The following NEK10 variants were observed in gnomAD, a reference collection of about 807,000 sequenced individuals.
NEK10 encodes serine/threonine-protein kinase Nek10.
NEK10 carries 122 observed loss-of-function variants against 159.8 expected under a neutral mutation model. That is an observed-to-expected ratio of 0.76 (90% CI 0.66 to 0.89). NEK10 has a LOEUF of 0.89. Among genes scored for constraint, NEK10 ranks in the 40% least tolerant of loss-of-function variants. NEK10 has a pLI of 0.00. For synonymous variants in NEK10, 466 were observed against 457.1 expected (o/e 1.02, Z -0.25); for missense variants, 1,342 against 1,323.1 (o/e 1.01, Z -0.22).
At chr3:27,241,185 G>T (rs1954523070) in intron 23 of NEK10, among the ~76,000 whole-genome samples, 1 of 152,152 alleles carries the variant, frequency 6.6e-6, no homozygotes. Context: ...AATTTGTTCA[G>T]AGAGCATGGG....
In NEK10 at chr3:27,304,875, G is replaced by A. The variant is rs1162978610; in HGVS notation, c.900C>T (p.Leu300=). The change falls in exon 12 of 36, where the codon CTC becomes CTT. Residue 300 remains leucine, a synonymous_variant. Transcript: ENST00000691995. ...YEGIPVLLSL[L]HSDHLKLLWS... is the part of the protein sequence containing the mutation. ...AGAGGAGCTTCAAGTGGTCAGAGTG[G>A]AGCAGACTGAGGAGGACCGGTATCC... The A allele has an allele frequency of 1.9e-6, 3 of 1,613,366 alleles. No individual in the cohort carries two copies. The highest frequency in any genetic ancestry group is 3.3e-5 in the Admixed American group (2 of 60,008).
chr3:27,179,707 T>C (rs905312104), intron 26 of NEK10, among the ~76,000 whole-genome samples: 6 of 152,276 alleles, frequency 3.9e-5, no homozygotes, highest in African/African-American at 1.2e-4. Flanking sequence ...AACATGCCAA[T>C]AGAACTAAAT....
At chr3:27,322,661 C>G (rs2045731733) in intron 5 of NEK10, among the ~76,000 whole-genome samples, 5 of 152,194 alleles carry the variant, frequency 3.3e-5, no homozygotes, top group African/African-American at 4.8e-5. Context: ...CATAACCACA[C>G]TTACTTATTA....
intron 5 of NEK10, among the ~76,000 whole-genome samples, chr3:27,325,743 A>G (rs1196228871): frequency 6.6e-6 from 1 of 152,088 alleles, no homozygotes; most frequent in Non-Finnish European, 1.5e-5. Flanking sequence ...TATACTCCTG[A>G]GTGCTCATTA....
At chr3:27,142,226 A>G (rs1345023334) in intron 30 of NEK10, among the ~76,000 whole-genome samples, 1 of 152,270 alleles carries the variant, frequency 6.6e-6, no homozygotes, top group Admixed American at 6.5e-5. Flanking sequence ...GTCAAATTAC[A>G]TATTAGTTGC....
intron 6 of NEK10, among the ~76,000 whole-genome samples, chr3:27,320,515 A>C (rs536233654): frequency 6.6e-6 from 1 of 152,324 alleles, no homozygotes; most frequent in South Asian, 2.1e-4. Flanking sequence ...ACATAATAAG[A>C]CTGATCCAGG....
At chr3:27,327,918 A>G (rs1481004609) in intron 5 of NEK10, among the ~76,000 whole-genome samples, 3 of 142,298 alleles carry the variant, frequency 2.1e-5, no homozygotes, top group Admixed American at 7.1e-5. Flanking sequence ...AGTAAAATTC[A>G]CATCTATGCA....
chr3:27,146,903 G>A (rs1343777955), intron 30 of NEK10, among the ~76,000 whole-genome samples: 1 of 152,176 alleles, frequency 6.6e-6, no homozygotes, highest in African/African-American at 2.4e-5. Flanking sequence ...ACAGCAAACT[G>A]TTCAGTTTAG....
chr3:27,310,863 G>T, intron 9 of NEK10, 86 bp downstream of exon 9: 1 of 785,436 alleles, frequency 1.3e-6, no homozygotes, highest in South Asian at 1.7e-5. Context: ...AATTACACAT[G>T]ACTTAACCGC....
intron 8 of NEK10, 44 bp from the exon 9 acceptor site, chr3:27,311,060 A>AG (rs752607901): frequency 2.4e-6 from 3 of 1,242,848 alleles, no homozygotes; most frequent in Admixed American, 3.4e-5. Flanking sequence ...CAGAGATTAA[A>AG]GGGGGAGTAC....
chr3:27,127,823 T>C (rs1013941871), intron 32 of NEK10, among the ~76,000 whole-genome samples: 3 of 152,148 alleles, frequency 2.0e-5, no homozygotes, highest in Admixed American at 2.0e-4. Context: ...TTCCCTAAAA[T>C]GCTTTAATCT....
intron 30 of NEK10, among the ~76,000 whole-genome samples, chr3:27,142,700 A>T (rs1346897356): frequency 1.3e-5 from 2 of 152,214 alleles, no homozygotes; most frequent in Non-Finnish European, 2.9e-5. Flanking sequence ...TTTTCAAGAC[A>T]TTTAAAGAGA....
chr3:27,246,675 A>T (rs1366784555), intron 23 of NEK10, among the ~76,000 whole-genome samples: 2 of 151,862 alleles, frequency 1.3e-5, no homozygotes, highest in South Asian at 2.1e-4. Flanking sequence ...CCCATTAATC[A>T]CCCCAATCCC....
chr3:27,326,434 C>T (rs1230189578), intron 5 of NEK10, among the ~76,000 whole-genome samples: 1 of 152,156 alleles, frequency 6.6e-6, no homozygotes, highest in Non-Finnish European at 1.5e-5. Context: ...ATTCACGCTA[C>T]AAATATGTGT....
rs777683874 is a variant in NEK10, at chr3:27,295,707, G to T, written c.1231-17C>A. On this transcript the variant is annotated splice_polypyrimidine_tract_variant and intron_variant, in intron 14 of 35. Coordinates refer to ENST00000691995, the MANE Select transcript of NEK10 (RefSeq NM_001394966.1). ...ACCATTTTCCTGAAAGAATAAAGGG[G>T]TCATACTATGAGTGACAACACTGTA... 6.4e-7 allele frequency: 1 copy of T among 1,555,668 alleles called. No homozygotes were observed. The highest frequency in any genetic ancestry group is 8.7e-7 in the Non-Finnish European group (1 of 1,148,016).
chr3:27,162,727 C>T lies in NEK10; in HGVS notation c.2843G>A (p.Gly948Glu), dbSNP rs771387076. Residue 948 changes from glycine (G) to glutamate (E), a missense_variant, in exon 30 of 36, where the codon GGA (glycine) becomes GAA (glutamate). Gly to Glu is a moderately conservative substitution (Grantham distance 98). Coordinates refer to ENST00000691995, the MANE Select transcript of NEK10 (RefSeq NM_001394966.1). ...ERQSQTRDFT[G>E]GTGSRPRPAS... ...TGGTCTTGGTCTTGATCCTGTTCCT[C>T]CAGTGAAGTCCCTGAAAATAGAATT... is the stretch of plus-strand genomic sequence containing the variant. 2 of 1,614,068 alleles carry T rather than the reference C, an allele frequency of 1.2e-6. No homozygotes were observed. The highest frequency in any genetic ancestry group is 1.7e-6 in the Non-Finnish European group (2 of 1,179,976).
chr3:27,352,428 C>A (rs1050344545), intron 3 of NEK10, 37 bp downstream of exon 3: 1 of 1,438,416 alleles, frequency 7.0e-7, no homozygotes, highest in Non-Finnish European at 9.8e-7. Context: ...TATGATTTTT[C>A]TTTTATTACC....
intron 11 of NEK10, among the ~76,000 whole-genome samples, chr3:27,306,598 G>A (rs1490161259): frequency 6.6e-6 from 1 of 152,094 alleles, no homozygotes; most frequent in Non-Finnish European, 1.5e-5. Context: ...GTTCCCATGA[G>A]TCCCCATAAT....
chr3:27,316,140 C>T (rs143379815), intron 6 of NEK10, among the ~76,000 whole-genome samples: 3 of 152,050 alleles, frequency 2.0e-5, no homozygotes, highest in Non-Finnish European at 2.9e-5. Context: ...TTCATGCAGA[C>T]CGTGATACCC....
Sources: allele counts gnomAD v4.1 joint callset (sites outside exome capture counted in the v4.1 genomes callset), GRCh38; gene constraint gnomAD v4.1.1; transcripts MANE v1.5; gene names NCBI Gene and HGNC (gene_info 2026-07-23, HGNC 2026-07-21).